The following HIRA variants were observed in gnomAD, a reference collection of about 807,000 sequenced individuals.
HIRA encodes the protein protein HIRA.
A neutral mutation model predicts 126.6 loss-of-function variants in HIRA; 13 were observed. That is an observed-to-expected ratio of 0.10 (90% confidence interval 0.07 to 0.16). HIRA has a LOEUF of 0.16. HIRA is among the 10% of genes least tolerant of loss of function. HIRA has a pLI of 1.00. For synonymous variants in HIRA, 511 were observed against 520.0 expected, an observed-to-expected ratio of 0.98 and a Z score of 0.24; for missense variants, 834 against 1,314.4, an observed-to-expected ratio of 0.63 and a Z score of 5.65.
Position 19,374,698 on chromosome 22 carries a change from A to AC in HIRA, c.1775+932dup, listed in dbSNP as rs563490930. On this transcript the variant is annotated intron_variant, in intron 15 of 24. Transcript: ENST00000263208. ...CTCCAAATCACCATCTACTGCAAGG[A>AC]CAGGTCACATACAAATGCTCCTTTC... Among the ~76,000 whole-genome samples, 69 of 152,324 alleles carry AC rather than the reference A, an allele frequency of 4.5e-4. No homozygotes were observed. The South Asian group carries it at 0.014, about 30-fold the overall frequency.
chr22:19,331,439 G>C lies in HIRA; in HGVS notation c.*1C>G. The C allele has an allele frequency of 6.2e-7, 1 of 1,614,012 alleles. No homozygotes were observed. Among genetic ancestry groups the C allele is most frequent in the Non-Finnish European group, 8.5e-7 (1 of 1,179,996 alleles). On this transcript the variant is annotated 3_prime_UTR_variant, in exon 25 of 25. Coordinates refer to ENST00000263208, the MANE Select transcript of HIRA (RefSeq NM_003325.4). ...CTGCAGCCAGGGCAGGCTGGGGCAGGCTACTTGTCCCTCAGGATGTCGAGC... is the reference window on the plus strand; with the variant it reads ...CTGCAGCCAGGGCAGGCTGGGGCAGCCTACTTGTCCCTCAGGATGTCGAGC...
chr22:19,414,721 A>C (rs913684832), intron 1 of HIRA, among the ~76,000 whole-genome samples: 1 of 152,208 alleles, frequency 6.6e-6, no homozygotes, highest in African/African-American at 2.4e-5. Flanking sequence ...TTACAGAACA[A>C]TACTAAAATA....
chr22:19,347,906 T>G (rs1381110282), intron 24 of HIRA, among the ~76,000 whole-genome samples: 6 of 152,184 alleles, frequency 3.9e-5, no homozygotes, highest in African/African-American at 1.4e-4. Flanking sequence ...GCCACTGTAC[T>G]CCAGCCCGGG....
intron 18 of HIRA, among the ~76,000 whole-genome samples, chr22:19,357,931 T>C (rs1405037727): frequency 6.6e-6 from 1 of 152,234 alleles, no homozygotes; most frequent in African/African-American, 2.4e-5. Flanking sequence ...AAATGTTTAC[T>C]TGGAGAGTAT....
rs750492316 is a variant in HIRA at position 19,385,593 on chromosome 22, C to T, written c.1257G>A (p.Ala419=). Residue 419 remains alanine (A), a synonymous_variant, in exon 12 of 25, where the codon GCG becomes GCA. Transcript: ENST00000263208. ...QQQQLDQKSA[A]TREMGSATSV... ...AGGTGGCTGAGCCCATCTCCCTGGT[C>T]GCAGCACTCTTCTGGTCCAGCTGCT... is the stretch of plus-strand genomic sequence containing the variant. 50 of 1,614,056 alleles carry T rather than the reference C, an allele frequency of 3.1e-5. No homozygotes were observed. Among genetic ancestry groups the T allele is most frequent in the South Asian group, 8.8e-5 (8 of 91,084 alleles).
At chr22:19,342,173 T>G (rs1187604128) in intron 24 of HIRA, among the ~76,000 whole-genome samples, 1 of 151,974 alleles carries the variant, frequency 6.6e-6, no homozygotes, top group African/African-American at 2.4e-5. Context: ...AAAGAAGATA[T>G]ACAAATGACC....
chr22:19,422,859 T>C (rs1205139149), intron 1 of HIRA, among the ~76,000 whole-genome samples: 1 of 152,142 alleles, frequency 6.6e-6, no homozygotes, highest in Non-Finnish European at 1.5e-5. Flanking sequence ...AGCACTCTTT[T>C]GGCAGGGTCA....
chr22:19,350,505 C>T (rs2088744122), intron 24 of HIRA, among the ~76,000 whole-genome samples: 2 of 152,200 alleles, frequency 1.3e-5, no homozygotes, highest in African/African-American at 2.4e-5. Flanking sequence ...TTTCCTTCCA[C>T]ATCCAACCAC....
At chr22:19,391,512 C>T (rs1383629106) in intron 9 of HIRA, among the ~76,000 whole-genome samples, 22 of 147,440 alleles carry the variant, frequency 1.5e-4, no homozygotes, top group African/African-American at 4.5e-4. Flanking sequence ...GACGGAGTCT[C>T]GCTCTGTTGC....
intron 5 of HIRA, among the ~76,000 whole-genome samples, chr22:19,403,732 G>C (rs1472754573): frequency 6.6e-6 from 1 of 151,634 alleles, no homozygotes; most frequent in East Asian, 1.9e-4. Flanking sequence ...ATTTTTCTTA[G>C]GTTTTCTTGT....
intron 5 of HIRA, among the ~76,000 whole-genome samples, chr22:19,403,865 G>A (rs2089288559): frequency 6.6e-6 from 1 of 152,118 alleles, no homozygotes; most frequent in Non-Finnish European, 1.5e-5. Flanking sequence ...GAACCAAGAA[G>A]CATTTCTGAA....
At chr22:19,344,863 G>A (rs2088669188) in intron 24 of HIRA, among the ~76,000 whole-genome samples, 1 of 152,004 alleles carries the variant, frequency 6.6e-6, no homozygotes, top group South Asian at 2.1e-4. Flanking sequence ...TCACATTAAT[G>A]AAATAAAAGA....
At chr22:19,396,336 C>T (rs879335079) in intron 7 of HIRA, among the ~76,000 whole-genome samples, 3 of 152,046 alleles carry the variant, frequency 2.0e-5, no homozygotes, top group South Asian at 2.1e-4. Flanking sequence ...GCCAACATGG[C>T]GAAACCGCAT....
chr22:19,340,370 A>C (rs1372858871), intron 24 of HIRA, among the ~76,000 whole-genome samples: 1 of 152,144 alleles, frequency 6.6e-6, no homozygotes, highest in Non-Finnish European at 1.5e-5. Flanking sequence ...GAAATACCTC[A>C]AGGTAATAAA....
At chr22:19,365,040 T>C (rs1289305192) in intron 15 of HIRA, among the ~76,000 whole-genome samples, 20 of 152,216 alleles carry the variant, frequency 1.3e-4, no homozygotes, top group Admixed American at 1.3e-3. Context: ...CAACACTCCC[T>C]TAATCCACAG....
chr22:19,380,597 T>C (rs1601831503), intron 13 of HIRA, among the ~76,000 whole-genome samples: 3 of 152,202 alleles, frequency 2.0e-5, no homozygotes, highest in Non-Finnish European at 2.9e-5. Flanking sequence ...TATTTATTTT[T>C]CCAGATAACT....
At chr22:19,362,574 T>C (rs2088874428) in intron 15 of HIRA, among the ~76,000 whole-genome samples, 1 of 152,134 alleles carries the variant, frequency 6.6e-6, no homozygotes, top group South Asian at 2.1e-4. Flanking sequence ...TCATTTTTTT[T>C]TTGGAGATGG....
chr22:19,406,431 C>A (rs1472652524), intron 4 of HIRA, among the ~76,000 whole-genome samples: 1 of 152,180 alleles, frequency 6.6e-6, no homozygotes, highest in African/African-American at 2.4e-5. Context: ...AGAAACCACG[C>A]GATCTATAGG....
chr22:19,394,313 C>G (rs766618497), intron 8 of HIRA, 29 bp downstream of exon 8: 3 of 1,606,706 alleles, frequency 1.9e-6, no homozygotes, highest in Non-Finnish European at 2.6e-6. Context: ...TCTTGGAGCC[C>G]ATCTCCCTTT....
Sources: gnomAD v4.1 joint callset for allele counts (sites outside exome capture counted in the v4.1 genomes callset) on GRCh38, gnomAD v4.1.1 for gene constraint, MANE v1.5 for transcripts, NCBI Gene and HGNC (gene_info 2026-07-23, HGNC 2026-07-21) for gene names.